The following WFDC5 variants were observed in gnomAD, a reference collection of about 807,000 sequenced individuals.
The protein encoded by WFDC5 is WAP four-disulfide core domain protein 5.
Under a neutral mutation model 15.7 loss-of-function variants are expected in WFDC5, and 15 were observed. The ratio of observed to expected loss-of-function variants is 0.96; its 90% CI spans 0.64 to 1.47. WFDC5 has a LOEUF of 1.47. WFDC5 is among the 40% of genes most tolerant of loss of function. The pLI is 0.00. For missense variants in WFDC5, 280 were observed against 258.0 expected (o/e 1.09, Z -0.59); for synonymous variants, 109 against 107.7 (o/e 1.01, Z -0.07).
intron 3 of WFDC5, 82 bp from the exon 4 acceptor site, chr20:45,110,095 C>A (rs1981569081): frequency 6.4e-7 from 1 of 1,550,548 alleles, no homozygotes; most frequent in Non-Finnish European, 8.7e-7. Flanking sequence ...CCATGCCCCA[C>A]CAGCTCAGCT....
chr20:45,115,003 C>A, exon 1 of WFDC5: 4 of 1,613,686 alleles, frequency 2.5e-6, no homozygotes, highest in South Asian at 1.1e-5. Flanking sequence ...ACTCACCTCC[C>A]TTCTTCCTGC....
intron 1 of WFDC5, among the ~76,000 whole-genome samples, chr20:45,111,014 G>A (rs13041506): frequency 0.13 from 19,724 of 152,188 alleles, 1,537 homozygotes; most frequent in Middle Eastern, 0.18. Context: ...GGAAAATGAA[G>A]CCCAACATCT....
rs1213469567 is a variant in WFDC5 at position 45,110,542 on chromosome 20, T to C, written c.227-2A>G. 1 of 1,614,050 alleles carries C rather than the reference T, an allele frequency of 6.2e-7. No homozygotes were observed. The highest frequency in any genetic ancestry group is 1.3e-5 in the African/African-American group (1 of 74,934). On this transcript the variant is annotated splice_acceptor_variant, in intron 2 of 3. Coordinates refer to ENST00000307971, the Ensembl canonical transcript of WFDC5. LOFTEE classifies it high-confidence loss of function. ...CCTCTGGGCAGCTGCCCAGCTTCAC[T>C]GCAACACAGGGAACTGGGTGAGCTC...
exon 3 of WFDC5, chr20:45,110,483 A>G (rs1158217860): frequency 6.2e-7 from 1 of 1,614,178 alleles, no homozygotes. Flanking sequence ...CTTGTGACAC[A>G]GGTGGTTCAT....
chr20:45,111,688 G>A (rs149391495), intron 1 of WFDC5, among the ~76,000 whole-genome samples: 2 of 152,292 alleles, frequency 1.3e-5, no homozygotes, highest in East Asian at 3.9e-4. Flanking sequence ...TTCTTGCTGG[G>A]ATTTTGGGCC....
At chr20:45,115,500 G>A (rs944108920), upstream of WFDC5, among the ~76,000 whole-genome samples, 1 of 152,204 alleles carries the variant, frequency 6.6e-6, no homozygotes, top group Non-Finnish European at 1.5e-5. Context: ...TAGCAAAGGA[G>A]TGGGGGTTTG....
intron 1 of WFDC5, among the ~76,000 whole-genome samples, chr20:45,113,766 A>G (rs1981681905): frequency 1.3e-5 from 2 of 152,050 alleles, no homozygotes; most frequent in Non-Finnish European, 2.9e-5. Context: ...TGTCCTGTAC[A>G]GTCCTGGGTT....
At position 45,114,993 on chromosome 20, in the gene WFDC5, A is replaced by G. The variant is rs756660509; in HGVS notation, c.85+6T>C. ...TCCCCCCAGCAGAGGGATTTCCCGC[A>G]CTCACCTCCCTTCTTCCTGCCAAAG... On this transcript the variant is annotated splice_donor_region_variant and intron_variant, in intron 1 of 3. Coordinates refer to ENST00000307971, the Ensembl canonical transcript of WFDC5. 3.1e-6 allele frequency: 5 copies of G among 1,612,896 alleles called. No homozygotes were observed. The South Asian group carries it at 3.3e-5, about 11-fold the overall frequency.
At chr20:45,110,003 T>C in exon 4 of WFDC5, 1 of 1,613,924 alleles carries the variant, frequency 6.2e-7, no homozygotes, top group Non-Finnish European at 8.5e-7. Flanking sequence ...AGATCCTAAA[T>C]CAGAATTAGC....
upstream of WFDC5, chr20:45,115,179 G>T (rs1981728575): frequency 1.7e-6 from 2 of 1,191,716 alleles, no homozygotes; most frequent in South Asian, 2.8e-5. Flanking sequence ...AAAGAGAGGG[G>T]GTGTGGAGTG....
At chr20:45,110,299 A>G in intron 3 of WFDC5, 101 bp downstream of exon 3, 1 of 1,518,594 alleles carries the variant, frequency 6.6e-7, no homozygotes, top group South Asian at 1.2e-5. Context: ...GGAGGTCCTG[A>G]CTTCTGGGGA....
chr20:45,112,682 A>G (rs988668263), intron 1 of WFDC5, among the ~76,000 whole-genome samples: 4 of 152,236 alleles, frequency 2.6e-5, no homozygotes, highest in Admixed American at 6.5e-5. Context: ...CAGACGATAC[A>G]CACATAGTCA....
chr20:45,114,668 C>T (rs575081200), intron 1 of WFDC5, among the ~76,000 whole-genome samples: 1 of 152,128 alleles, frequency 6.6e-6, no homozygotes, highest in East Asian at 1.9e-4. Flanking sequence ...GACGCAAAGA[C>T]ACATGTCTAC....
At chr20:45,110,858 A>T in intron 1 of WFDC5, 83 bp from the exon 2 acceptor site, 1 of 1,564,290 alleles carries the variant, frequency 6.4e-7, no homozygotes, top group Non-Finnish European at 8.7e-7. Context: ...ACAAGACTGA[A>T]TTCTCCATCC....
upstream of WFDC5, chr20:45,115,178 G>A (rs1181636486): frequency 2.4e-6 from 3 of 1,230,562 alleles, no homozygotes; most frequent in Non-Finnish European, 3.4e-6. Flanking sequence ...GAAAGAGAGG[G>A]GGTGTGGAGT....
chr20:45,114,956 G>A, intron 1 of WFDC5, 43 bp downstream of exon 1: 1 of 1,600,892 alleles, frequency 6.2e-7, no homozygotes, highest in Non-Finnish European at 8.5e-7. Context: ...TAGAGAAGTA[G>A]AGACAATCTG....
chr20:45,111,502 C>T (rs1000040854), intron 1 of WFDC5, among the ~76,000 whole-genome samples: 17 of 152,284 alleles, frequency 1.1e-4, no homozygotes, highest in African/African-American at 3.6e-4. Flanking sequence ...ATTGCACGTG[C>T]GTCAGCAGTG....
At chr20:45,110,375 T>G in exon 3 of WFDC5, 1 of 1,579,610 alleles carries the variant, frequency 6.3e-7, no homozygotes, top group Non-Finnish European at 8.6e-7. Context: ...GGGAGGCACC[T>G]GCCCTGGGCA....
Position 45,110,255 on chromosome 20 carries a change from C to T in WFDC5, c.393+119G>A. ...CCTCTGTCATCCTAGCAGGACTCCT[C>T]CAACCCCTATCCAGTTTCCTAATCC... On this transcript the variant is annotated intron_variant, in intron 3 of 3. Transcript: ENST00000307971. 3.5e-6 allele frequency: 5 copies of T among 1,413,022 alleles called. No individual in the cohort carries two copies. In the South Asian group the frequency reaches 5.5e-5, roughly 15 times the overall value. 87.5% of individuals were successfully genotyped at this position (1,413,022 alleles called of 1,614,324 possible).
Sources: gnomAD v4.1 joint callset for allele counts (sites outside exome capture counted in the v4.1 genomes callset) on GRCh38, gnomAD v4.1.1 for gene constraint, MANE v1.5 for transcripts, NCBI Gene and HGNC (gene_info 2026-07-23, HGNC 2026-07-21) for gene names.